The following RNF180 variants were observed in gnomAD, a reference collection of about 807,000 sequenced individuals.
RNF180 encodes the protein ring finger protein 180.
Under a neutral mutation model 59.2 loss-of-function variants are expected in RNF180, and 38 were observed. The ratio of observed to expected loss-of-function variants is 0.64; its 90% CI spans 0.50 to 0.84. The LOEUF (loss-of-function observed/expected upper bound fraction) is 0.84, where lower values mean the gene tolerates loss of function less well. Ranked by LOEUF, RNF180 falls within the 40% of genes least tolerant of loss-of-function variation. The probability of loss-of-function intolerance (pLI) is 0.00; values close to 1 mark genes in which losing one functional copy is unlikely to be tolerated. For synonymous variants in RNF180, 262 were observed against 240.3 expected (o/e 1.09, Z -0.84); for missense variants, 705 against 700.9 (o/e 1.01, Z -0.07).
intron 5 of RNF180, among the ~76,000 whole-genome samples, chr5:64,321,189 A>T (rs1256127829): frequency 1.3e-5 from 2 of 152,190 alleles, no homozygotes; most frequent in Non-Finnish European, 2.9e-5. Context: ...AAGAGGAAAA[A>T]AAAAGGGTGG....
At chr5:64,305,159 G>GT (rs1743372587) in intron 5 of RNF180, among the ~76,000 whole-genome samples, 1 of 151,626 alleles carries the variant, frequency 6.6e-6, no homozygotes, top group Non-Finnish European at 1.5e-5. Flanking sequence ...AACAATGTGT[G>GT]TGTCTTGCTT....
intron 7 of RNF180, among the ~76,000 whole-genome samples, chr5:64,353,839 C>T (rs960663331): frequency 3.3e-5 from 5 of 151,650 alleles, no homozygotes; most frequent in South Asian, 2.1e-4. Flanking sequence ...TTCACTAATA[C>T]GTGGAAATTA....
chr5:64,257,429 T>C lies in RNF180; in HGVS notation c.1227+40033T>C, dbSNP rs376280570. ...TAGCATGAACGGCTGTTGAATTTTG[T>C]CAAAGGCATTTTCTGCATCTGTTGA... On this transcript the variant is annotated intron_variant, in intron 5 of 7. Transcript: ENST00000389100. Among the ~76,000 whole-genome samples, 6 of 152,342 alleles carry C rather than the reference T, an allele frequency of 3.9e-5. No individual in the cohort carries two copies. In the East Asian group the frequency reaches 7.7e-4, roughly 20 times the overall value.
intron 7 of RNF180, among the ~76,000 whole-genome samples, chr5:64,350,275 G>C (rs1450172156): frequency 6.6e-6 from 1 of 151,778 alleles, no homozygotes; most frequent in Non-Finnish European, 1.5e-5. Flanking sequence ...TTTTTTTCTT[G>C]TAAATTTGTT....
intron 7 of RNF180, among the ~76,000 whole-genome samples, chr5:64,336,187 A>G (rs1745117590): frequency 6.6e-6 from 1 of 152,036 alleles, no homozygotes; most frequent in African/African-American, 2.4e-5. Context: ...GGTTTACTTA[A>G]TGTGTGTCAT....
chr5:64,183,245 C>T (rs185572975), intron 1 of RNF180, among the ~76,000 whole-genome samples: 3 of 152,158 alleles, frequency 2.0e-5, no homozygotes, highest in Admixed American at 6.5e-5. Flanking sequence ...TTAACAGTCC[C>T]TACCTCATAG....
chr5:64,284,141 T>C (rs1219183324), intron 5 of RNF180, among the ~76,000 whole-genome samples: 2 of 152,234 alleles, frequency 1.3e-5, no homozygotes, highest in African/African-American at 4.8e-5. Flanking sequence ...TTTGAAATTC[T>C]AGATCGGAAT....
chr5:64,251,006 C>G (rs1357047443), intron 5 of RNF180, among the ~76,000 whole-genome samples: 1 of 152,088 alleles, frequency 6.6e-6, no homozygotes, highest in Non-Finnish European at 1.5e-5. Context: ...AAAGATCATT[C>G]ACTATGATCA....
chr5:64,330,652 T>C (rs986459638), intron 7 of RNF180, among the ~76,000 whole-genome samples: 1 of 152,262 alleles, frequency 6.6e-6, no homozygotes, highest in Non-Finnish European at 1.5e-5. Flanking sequence ...ATGCTATCAC[T>C]GTTTAGTACA....
intron 7 of RNF180, among the ~76,000 whole-genome samples, chr5:64,347,887 G>T (rs1463300926): frequency 6.6e-6 from 1 of 152,052 alleles, no homozygotes; most frequent in Non-Finnish European, 1.5e-5. Flanking sequence ...AGTGGTTTTT[G>T]TTGGCAAAAT....
At chr5:64,295,789 A>C (rs934589380) in intron 5 of RNF180, among the ~76,000 whole-genome samples, 8 of 152,194 alleles carry the variant, frequency 5.3e-5, no homozygotes, top group South Asian at 4.1e-4. Flanking sequence ...AGTATGTTGA[A>C]GTATGATTTT....
chr5:64,314,396 G>C (rs1031996419), intron 5 of RNF180, among the ~76,000 whole-genome samples: 1 of 151,754 alleles, frequency 6.6e-6, no homozygotes, highest in Non-Finnish European at 1.5e-5. Flanking sequence ...CTAAATAATC[G>C]TATTTACTAT....
At position 64,213,949 on chromosome 5, in the gene RNF180, A is replaced by G. The variant is rs1752467008; in HGVS notation, c.623A>G (p.Gln208Arg). The change falls in exon 4 of 8, where the codon CAG becomes CGG. Residue 208 changes from glutamine to arginine, a missense_variant. By Grantham distance (43) the Gln-to-Arg change is conservative (BLOSUM62 1). Coordinates refer to ENST00000389100, the MANE Select transcript of RNF180 (RefSeq NM_001113561.2). Reference protein sequence around the residue: ...LLSKASEPKYQLFVPQLVTGR... With the variant: ...LLSKASEPKYRLFVPQLVTGR... ...TCCAAAGCATCAGAACCAAAATACC[A>G]GCTTTTTGTTCCCCAGCTTGTGACT... 5 of 1,614,106 alleles carry G rather than the reference A, an allele frequency of 3.1e-6. No homozygotes were observed. The highest frequency in any genetic ancestry group is 4.2e-6 in the Non-Finnish European group (5 of 1,180,010).
Position 64,214,308 on chromosome 5 carries a change from A to AATC in RNF180, c.983_985dup (p.Asn328_Leu329insHis). ...GTATTCTGACCATACTAATACTAAC[A>AATC]ATCTGACTTTCCTGATGGACCTGCC... On this transcript the variant is annotated inframe_insertion, in exon 4 of 8. Transcript: ENST00000389100. 1 of 1,614,080 alleles carries AATC rather than the reference A, an allele frequency of 6.2e-7. No individual in the cohort carries two copies. Among genetic ancestry groups the AATC allele is most frequent in the South Asian group, 1.1e-5 (1 of 91,080 alleles).
intron 5 of RNF180, among the ~76,000 whole-genome samples, chr5:64,220,604 T>G (rs1301971675): frequency 6.6e-6 from 1 of 152,094 alleles, no homozygotes; most frequent in East Asian, 1.9e-4. Flanking sequence ...TGAGAGAAAC[T>G]AAAGCTACCA....
intron 1 of RNF180, among the ~76,000 whole-genome samples, chr5:64,181,844 G>A (rs1369373356): frequency 6.6e-6 from 1 of 152,140 alleles, no homozygotes; most frequent in African/African-American, 2.4e-5. Context: ...TGAACACCGT[G>A]TTTTATATCA....
intron 7 of RNF180, among the ~76,000 whole-genome samples, chr5:64,335,194 T>G (rs1745069141): frequency 6.6e-6 from 1 of 152,162 alleles, no homozygotes; most frequent in African/African-American, 2.4e-5. Context: ...TTTCTGTTGG[T>G]TGTATTTTTT....
At chr5:64,181,102 G>T (rs193098623) in intron 1 of RNF180, among the ~76,000 whole-genome samples, 3 of 152,176 alleles carry the variant, frequency 2.0e-5, no homozygotes, top group African/African-American at 7.2e-5. Flanking sequence ...AAAAATGAAG[G>T]CTGGATGACT....
intron 5 of RNF180, among the ~76,000 whole-genome samples, chr5:64,224,062 GGTGT>G (rs10694125): frequency 0.028 from 3,959 of 141,380 alleles, 81 homozygotes; most frequent in African/African-American, 0.04. Context: ...TCTAGGTTGG[GGTGT>G]GTGTGTGTGT....
Sources: allele counts gnomAD v4.1 joint callset (sites outside exome capture counted in the v4.1 genomes callset), GRCh38; gene constraint gnomAD v4.1.1; transcripts MANE v1.5; gene names NCBI Gene and HGNC (gene_info 2026-07-23, HGNC 2026-07-21).